Variants in PARP8 observed in about 807,000 individuals in gnomAD.
The protein encoded by PARP8 is protein mono-ADP-ribosyltransferase PARP8.
Under a neutral mutation model 124.1 loss-of-function variants are expected in PARP8, and 51 were observed. That is an observed-to-expected ratio of 0.41 (90% CI 0.33 to 0.52). PARP8 has a LOEUF of 0.52. Among genes scored for constraint, PARP8 ranks in the 20% least tolerant of loss-of-function variants. PARP8 has a pLI of 0.21. For missense variants in PARP8, 860 were observed against 1,018.9 expected, an observed-to-expected ratio of 0.84 and a Z score of 2.12; for synonymous variants, 391 against 361.5, an observed-to-expected ratio of 1.08 and a Z score of -0.93.
intron 2 of PARP8, among the ~76,000 whole-genome samples, chr5:50,727,442 T>C (rs1756540809): frequency 6.6e-6 from 1 of 152,184 alleles, no homozygotes; most frequent in Non-Finnish European, 1.5e-5. Flanking sequence ...TTTGTTTAGG[T>C]AGTATGTCAA....
At chr5:50,807,949 C>A (rs1490336106) in intron 14 of PARP8, among the ~76,000 whole-genome samples, 2 of 151,948 alleles carry the variant, frequency 1.3e-5, no homozygotes, top group African/African-American at 4.8e-5. Flanking sequence ...TGTCTGTCAC[C>A]CACTTAGAGT....
rs1471413293 is a variant in PARP8, at chr5:50,771,648, A to C, written c.519-6421A>C. On this transcript the variant is annotated intron_variant, in intron 7 of 25. Coordinates refer to ENST00000281631, the MANE Select transcript of PARP8 (RefSeq NM_024615.4). ...TTCTCTGAACCCTATAAAAGGGATTATATTCTATTACTTGAATAGTCGATA... is the reference window on the plus strand; with the variant it reads ...TTCTCTGAACCCTATAAAAGGGATTCTATTCTATTACTTGAATAGTCGATA... Among the ~76,000 whole-genome samples, 3 of 148,974 alleles carry C rather than the reference A, an allele frequency of 2.0e-5. No individual in the cohort carries two copies. In the East Asian group the frequency reaches 5.8e-4, roughly 29 times the overall value.
At position 50,846,281 on chromosome 5, in the gene PARP8, A is replaced by G. The variant is rs765455536; in HGVS notation, c.*4213A>G. 6.6e-6 allele frequency: 1 copy of G among 151,736 alleles called. No homozygotes were observed. Among genetic ancestry groups the G allele is most frequent in the Non-Finnish European group, 1.5e-5 (1 of 67,786 alleles). The allele number at this position is 151,736 out of a possible 1,614,324, so 9.4% of individuals were successfully genotyped here. ...AAATTTCTTGATTTTTGTGCACAGG[A>G]TAGTATTGCAACCTGCTATTTAGCC... On this transcript the variant is annotated 3_prime_UTR_variant, in exon 26 of 26. Transcript: ENST00000281631.
chr5:50,747,630 A>C (rs1758734787), intron 2 of PARP8, among the ~76,000 whole-genome samples: 1 of 151,288 alleles, frequency 6.6e-6, no homozygotes, highest in South Asian at 2.1e-4. Context: ...ATTACGAATG[A>C]TCTCTTTATA....
intron 2 of PARP8, among the ~76,000 whole-genome samples, chr5:50,719,322 G>A (rs1383768637): frequency 6.6e-6 from 1 of 151,820 alleles, no homozygotes; most frequent in Admixed American, 6.6e-5. Context: ...CAGACACTTT[G>A]TAGCTTGATA....
chr5:50,830,826 G>GTA (rs1210532977), intron 22 of PARP8, among the ~76,000 whole-genome samples: 1 of 149,056 alleles, frequency 6.7e-6, no homozygotes, highest in African/African-American at 2.5e-5. Flanking sequence ...ATGCGTGTGT[G>GTA]TGTGTGTGTG....
chr5:50,815,841 A>G (rs1366756309), intron 15 of PARP8, among the ~76,000 whole-genome samples: 1 of 152,192 alleles, frequency 6.6e-6, no homozygotes, highest in East Asian at 1.9e-4. Context: ...ATTTATTTGT[A>G]AAGATAACTG....
At chr5:50,740,784 G>A (rs1757963319) in intron 2 of PARP8, among the ~76,000 whole-genome samples, 1 of 149,952 alleles carries the variant, frequency 6.7e-6, no homozygotes, top group African/African-American at 2.5e-5. Context: ...CTGCTCTCCA[G>A]CCTGGGCAAT....
At chr5:50,814,400 T>G (rs1196128294) in intron 14 of PARP8, among the ~76,000 whole-genome samples, 1 of 152,130 alleles carries the variant, frequency 6.6e-6, no homozygotes, top group Non-Finnish European at 1.5e-5. Flanking sequence ...GTGTATAGCT[T>G]GAATCTGGAT....
chr5:50,844,815 AAGG>A lies in PARP8; in HGVS notation c.*2750_*2752del, dbSNP rs769288834. 4 of 151,696 alleles carry A rather than the reference AAGG, an allele frequency of 2.6e-5. No homozygotes were observed. Among genetic ancestry groups the A allele is most frequent in the South Asian group, 2.1e-4 (1 of 4,820 alleles). 9.4% of individuals were successfully genotyped at this position (151,696 alleles called of 1,614,324 possible). A position where few individuals can be genotyped will look rare whatever the true frequency, so the allele number is the denominator to read the frequency against. ...AATCTGTTCTCTTTCACTGTATTAA[AAGG>A]AGAAGAAAATGAACATTTGAGAATG... On this transcript the variant is annotated 3_prime_UTR_variant, in exon 26 of 26. Coordinates refer to ENST00000281631, the MANE Select transcript of PARP8 (RefSeq NM_024615.4).
intron 2 of PARP8, chr5:50,669,327 A>G (rs1233200498): frequency 6.6e-6 from 1 of 152,246 alleles, no homozygotes; most frequent in Admixed American, 6.5e-5. Flanking sequence ...GGTTGATTAA[A>G]TTAACGCTGG....
At chr5:50,791,130 C>T (rs1741906535) in intron 10 of PARP8, among the ~76,000 whole-genome samples, 1 of 152,166 alleles carries the variant, frequency 6.6e-6, no homozygotes, top group Non-Finnish European at 1.5e-5. Context: ...AAATAGAAGA[C>T]ACTCTTATTT....
chr5:50,739,040 G>A, intron 2 of PARP8: 1 of 702,540 alleles, frequency 1.4e-6, no homozygotes, highest in Non-Finnish European at 2.6e-6. Flanking sequence ...GACCAGAGCT[G>A]TCTGCTTCCT....
rs1432165486 is a variant in PARP8, at chr5:50,842,293, C to CACTT, written c.*227_*230dup. 2.9e-6 allele frequency: 1 copy of CACTT among 341,824 alleles called. No homozygotes were observed. The highest frequency in any genetic ancestry group is 5.3e-6 in the Non-Finnish European group (1 of 189,572). 21.2% of individuals were successfully genotyped at this position (341,824 alleles called of 1,614,324 possible). ...GAATCTAGTAATAAAATTTCAACAG[C>CACTT]ACTTAAACTGAAGTTTGGGTTGCTC... On this transcript the variant is annotated 3_prime_UTR_variant, in exon 26 of 26. Coordinates refer to ENST00000281631, the MANE Select transcript of PARP8 (RefSeq NM_024615.4).
intron 2 of PARP8, among the ~76,000 whole-genome samples, chr5:50,672,156 C>T (rs1750102715): frequency 1.3e-5 from 2 of 152,156 alleles, no homozygotes; most frequent in African/African-American, 4.8e-5. Context: ...ATTTGCTAAG[C>T]CAGATTCTCT....
intron 18 of PARP8, 140 bp from the exon 19 acceptor site, chr5:50,826,615 A>T: frequency 9.1e-7 from 1 of 1,102,726 alleles, no homozygotes; most frequent in Non-Finnish European, 1.2e-6. Flanking sequence ...AACAAACCTA[A>T]ATTATGCGAC....
intron 2 of PARP8, among the ~76,000 whole-genome samples, chr5:50,700,168 A>C (rs1006219767): frequency 1.3e-5 from 2 of 152,176 alleles, no homozygotes; most frequent in Non-Finnish European, 2.9e-5. Context: ...AAGGCCCAGA[A>C]GTGCCAGAAT....
chr5:50,743,356 A>G (rs1420312420), intron 2 of PARP8, among the ~76,000 whole-genome samples: 1 of 152,092 alleles, frequency 6.6e-6, no homozygotes, highest in African/African-American at 2.4e-5. Context: ...AGAGGGTGAA[A>G]TGATGATGAA....
At chr5:50,745,829 G>A (rs192565720) in intron 2 of PARP8, among the ~76,000 whole-genome samples, 11 of 152,250 alleles carry the variant, frequency 7.2e-5, no homozygotes, top group Non-Finnish European at 1.5e-4. Flanking sequence ...AGTACCATTC[G>A]ACAGTATAAA....
Sources: allele counts gnomAD v4.1 joint callset (sites outside exome capture counted in the v4.1 genomes callset), GRCh38; gene constraint gnomAD v4.1.1; transcripts MANE v1.5; gene names NCBI Gene and HGNC (gene_info 2026-07-23, HGNC 2026-07-21).